The following MNAT1 variants were observed in gnomAD, a reference collection of about 807,000 sequenced individuals.
The protein encoded by MNAT1 is CDK-activating kinase assembly factor MAT1.
MNAT1 carries 43 observed loss-of-function variants against 42.0 expected under a neutral mutation model. That is an observed-to-expected ratio of 1.02 (90% confidence interval 0.80 to 1.32). The LOEUF (loss-of-function observed/expected upper bound fraction) is 1.32, where lower values mean the gene tolerates loss of function less well. MNAT1 is among the 40% of genes most tolerant of loss of function. The pLI, the probability that MNAT1 is intolerant of heterozygous loss-of-function variation, is 0.00. For synonymous variants in MNAT1, 118 were observed against 120.0 expected (o/e 0.98, Z 0.11); for missense variants, 306 against 350.4 (o/e 0.87, Z 1.01).
At chr14:60,760,306 T>C (rs930322873) in intron 1 of MNAT1, among the ~76,000 whole-genome samples, 6 of 152,124 alleles carry the variant, frequency 3.9e-5, no homozygotes, top group African/African-American at 1.2e-4. Flanking sequence ...TTTAGAAATA[T>C]GAAATTTTGA....
At chr14:60,738,551 G>C (rs1057503050) in intron 1 of MNAT1, among the ~76,000 whole-genome samples, 1 of 150,300 alleles carries the variant, frequency 6.7e-6, no homozygotes. Context: ...CACTGCGCCC[G>C]GCCTGAGATG....
At chr14:60,939,168 C>T (rs929937215) in intron 7 of MNAT1, among the ~76,000 whole-genome samples, 7 of 151,996 alleles carry the variant, frequency 4.6e-5, no homozygotes, top group Non-Finnish European at 1.0e-4. Flanking sequence ...TTTTGTTGAT[C>T]TTTTCAAAAA....
Position 60,920,520 on chromosome 14 carries a change from AG to A in MNAT1, c.809+40686del, listed in dbSNP as rs371509905. ...CTGCAACCTCTGCCTCCTGGGTGCA[AG>A]CAATTCTCCTGCCTCAGCCTCCTGA... On this transcript the variant is annotated intron_variant, in intron 7 of 7. Coordinates refer to ENST00000261245, the MANE Select transcript of MNAT1 (RefSeq NM_002431.4). Among the ~76,000 whole-genome samples, 118 of 152,196 alleles carry A rather than the reference AG, an allele frequency of 7.8e-4. 1 individual carries two copies. The East Asian group carries it at 0.012, about 15-fold the overall frequency.
At chr14:60,758,782 AC>A (rs1207471479) in intron 1 of MNAT1, among the ~76,000 whole-genome samples, 1 of 152,170 alleles carries the variant, frequency 6.6e-6, no homozygotes, top group Non-Finnish European at 1.5e-5. Flanking sequence ...TGGAGGTGCA[AC>A]TAGAAGTGTC....
rs1284552404 is a variant in MNAT1 at position 60,821,600 on chromosome 14, G to T, written c.687+2753G>T. 3.3e-5 allele frequency among the ~76,000 whole-genome samples: 5 copies of T among 152,146 alleles called. No homozygotes were observed. In the East Asian group the frequency reaches 9.6e-4, roughly 29 times the overall value. ...TATGAAAACTTTACTTATAATTTAT[G>T]CATCGATCAAGTGTGATTTTCATGA... On this transcript the variant is annotated intron_variant, in intron 6 of 7. Transcript: ENST00000261245.
chr14:60,900,376 C>G (rs1457907997), intron 7 of MNAT1, among the ~76,000 whole-genome samples: 3 of 152,152 alleles, frequency 2.0e-5, no homozygotes, highest in East Asian at 3.9e-4. Flanking sequence ...GCAAAACAGC[C>G]TGATTGCTGC....
chr14:60,826,688 T>A (rs2033066954), intron 6 of MNAT1, among the ~76,000 whole-genome samples: 1 of 152,188 alleles, frequency 6.6e-6, no homozygotes, highest in Non-Finnish European at 1.5e-5. Context: ...AAGTGAGAGC[T>A]ACAACTTTGT....
intron 7 of MNAT1, among the ~76,000 whole-genome samples, chr14:60,911,856 G>A (rs1469033638): frequency 6.6e-6 from 1 of 151,888 alleles, no homozygotes; most frequent in Non-Finnish European, 1.5e-5. Flanking sequence ...GCAGAGCTGA[G>A]TTCAATTCCT....
chr14:60,873,747 A>G (rs1157373111), intron 6 of MNAT1, among the ~76,000 whole-genome samples: 1 of 151,858 alleles, frequency 6.6e-6, no homozygotes, highest in Non-Finnish European at 1.5e-5. Context: ...TTAAGACTAC[A>G]GGCATAAGCC....
chr14:60,936,055 A>G (rs2035987592), intron 7 of MNAT1, among the ~76,000 whole-genome samples: 1 of 152,160 alleles, frequency 6.6e-6, no homozygotes, highest in Admixed American at 6.5e-5. Flanking sequence ...CCACACAGGA[A>G]CTGAGGAGGC....
chr14:60,885,401 T>TTC (rs2034643332), intron 7 of MNAT1, among the ~76,000 whole-genome samples: 1 of 151,932 alleles, frequency 6.6e-6, no homozygotes, highest in African/African-American at 2.4e-5. Flanking sequence ...TTGTTTTGTT[T>TTC]TCTTTGACTG....
chr14:60,771,239 TA>T (rs1045989111), intron 1 of MNAT1, among the ~76,000 whole-genome samples: 16 of 150,784 alleles, frequency 1.1e-4, no homozygotes, highest in East Asian at 1.9e-4. Context: ...ACTTTAAAAT[TA>T]AAAAAAAAAT....
In MNAT1 at chr14:60,796,230, G is replaced by A. The variant is rs149858892; in HGVS notation, c.103G>A (p.Val35Ile). 69 of 1,610,998 alleles carry A rather than the reference G, an allele frequency of 4.3e-5. No homozygotes were observed. The highest frequency in any genetic ancestry group is 3.9e-4 in the Admixed American group (23 of 59,352). The stretch of plus-strand genomic sequence containing the variant: ...CTGTCCTTACAGCTGTGAAAGTTGT[G>A]TAGATTTACTGTTTGTGAGAGGAGC... ...VCGHTLCESC[V>I]DLLFVRGAGN... is the part of the protein sequence containing the mutation. Residue 35 changes from valine to isoleucine, a missense_variant, in exon 2 of 8, where the codon GTA (valine) becomes ATA (isoleucine). Coordinates refer to ENST00000261245, the MANE Select transcript of MNAT1 (RefSeq NM_002431.4).
At chr14:60,922,293 G>A (rs1481775764) in intron 7 of MNAT1, among the ~76,000 whole-genome samples, 2 of 152,116 alleles carry the variant, frequency 1.3e-5, no homozygotes, top group Non-Finnish European at 2.9e-5. Flanking sequence ...TATTGCTCAT[G>A]ATGTAAAGGA....
intron 1 of MNAT1, among the ~76,000 whole-genome samples, chr14:60,774,341 C>T (rs1431634060): frequency 1.3e-5 from 2 of 151,916 alleles, no homozygotes; most frequent in Non-Finnish European, 2.9e-5. Flanking sequence ...ATAACCTTGG[C>T]ATGTTGGAAG....
intron 3 of MNAT1, among the ~76,000 whole-genome samples, chr14:60,802,594 A>G (rs1566772214): frequency 6.6e-6 from 1 of 152,196 alleles, no homozygotes; most frequent in Non-Finnish European, 1.5e-5. Context: ...GATGAGAAAT[A>G]ATGAGGGCTT....
In MNAT1 at chr14:60,936,780, A is replaced by G. The variant is rs2036006988; in HGVS notation, c.810-31449A>G. 1.2e-4 allele frequency among the ~76,000 whole-genome samples: 18 copies of G among 152,324 alleles called. No individual in the cohort carries two copies. In the South Asian group the frequency reaches 3.7e-3, roughly 32 times the overall value. On this transcript the variant is annotated intron_variant, in intron 7 of 7. Coordinates refer to ENST00000261245, the MANE Select transcript of MNAT1 (RefSeq NM_002431.4). ...TGGGTCAAATGGTATTTCTAGTTCT[A>G]GATCCCTGAGGAGTTGCCACACCGA... is the stretch of plus-strand genomic sequence containing the variant.
chr14:60,956,241 C>T (rs1184891114), intron 7 of MNAT1, among the ~76,000 whole-genome samples: 1 of 151,874 alleles, frequency 6.6e-6, no homozygotes, highest in Admixed American at 6.6e-5. Context: ...CAAAACTTCC[C>T]TTTTGATTTC....
At chr14:60,749,183 A>G (rs1234981698) in intron 1 of MNAT1, among the ~76,000 whole-genome samples, 1 of 152,192 alleles carries the variant, frequency 6.6e-6, no homozygotes, top group Non-Finnish European at 1.5e-5. Context: ...GGTATCAGAA[A>G]GTTTCATAGC....
Sources: gnomAD v4.1 joint callset for allele counts (sites outside exome capture counted in the v4.1 genomes callset) on GRCh38, gnomAD v4.1.1 for gene constraint, MANE v1.5 for transcripts, NCBI Gene and HGNC (gene_info 2026-07-23, HGNC 2026-07-21) for gene names.